The following FBXO33 variants were observed in gnomAD, a reference collection of about 807,000 sequenced individuals.
FBXO33 encodes the protein F-box protein 33, also known as F-box only protein 33.
Under a neutral mutation model 46.3 loss-of-function variants are expected in FBXO33, and 22 were observed. That is an observed-to-expected ratio of 0.48 (90% CI 0.34 to 0.68). The LOEUF is 0.68. FBXO33 is among the 30% of genes least tolerant of loss of function. The probability of loss-of-function intolerance (pLI) is 0.01; values close to 1 mark genes in which losing one functional copy is unlikely to be tolerated. For synonymous variants in FBXO33, 337 were observed against 291.3 expected, an observed-to-expected ratio of 1.16 and a Z score of -1.60; for missense variants, 692 against 708.8, an observed-to-expected ratio of 0.98 and a Z score of 0.27.
chr14:39,416,087 C>T (rs1348085635), intron 1 of FBXO33, among the ~76,000 whole-genome samples: 1 of 152,092 alleles, frequency 6.6e-6, no homozygotes, highest in Non-Finnish European at 1.5e-5. Context: ...CTGTCATATG[C>T]TTTGTGTTAT....
At chr14:39,401,937 G>C in intron 2 of FBXO33, 76 bp from the exon 3 acceptor site, 1 of 1,229,452 alleles carries the variant, frequency 8.1e-7, no homozygotes, top group Admixed American at 2.5e-5. Context: ...TTTGAAAATA[G>C]GCAATGAAAA....
intron 1 of FBXO33, among the ~76,000 whole-genome samples, chr14:39,418,842 T>C (rs918592958): frequency 2.0e-5 from 3 of 150,074 alleles, no homozygotes; most frequent in Non-Finnish European, 4.4e-5. Context: ...AATGTAAAGA[T>C]ACTCTCTGGA....
chr14:39,418,667 C>T (rs1465542197), intron 1 of FBXO33, among the ~76,000 whole-genome samples: 1 of 147,838 alleles, frequency 6.8e-6, no homozygotes, highest in Non-Finnish European at 1.5e-5. Context: ...CCCAGCTACT[C>T]GGGAGGCTGA....
At chr14:39,412,695 T>C (rs559304526) in intron 1 of FBXO33, among the ~76,000 whole-genome samples, 1 of 152,348 alleles carries the variant, frequency 6.6e-6, no homozygotes, top group East Asian at 1.9e-4. Flanking sequence ...CAGGCATAAC[T>C]TGCAGATATT....
chr14:39,400,066 A>AAAT (rs1307391006), intron 3 of FBXO33, among the ~76,000 whole-genome samples: 1 of 152,232 alleles, frequency 6.6e-6, no homozygotes, highest in African/African-American at 2.4e-5. Context: ...TCATTCAGTA[A>AAAT]AATAGACATT....
chr14:39,406,468 T>C (rs35553183), intron 1 of FBXO33, among the ~76,000 whole-genome samples: 40,983 of 152,072 alleles, frequency 0.27, 5,774 homozygotes, highest in East Asian at 0.51. Flanking sequence ...TTTTCAGACA[T>C]TGGACAATAA....
intron 1 of FBXO33, among the ~76,000 whole-genome samples, chr14:39,419,659 T>C (rs2139415455): frequency 6.6e-6 from 1 of 152,374 alleles, no homozygotes; most frequent in East Asian, 1.9e-4. Flanking sequence ...ATTTACTCAT[T>C]CATTTATTTA....
chr14:39,426,703 G>A (rs1047985269), intron 1 of FBXO33, among the ~76,000 whole-genome samples: 2 of 152,026 alleles, frequency 1.3e-5, no homozygotes, highest in Admixed American at 6.6e-5. Flanking sequence ...AGACCTTAGC[G>A]CTTACTGTTT....
At chr14:39,423,962 C>T (rs1057297818) in intron 1 of FBXO33, among the ~76,000 whole-genome samples, 1 of 152,214 alleles carries the variant, frequency 6.6e-6, no homozygotes, top group Non-Finnish European at 1.5e-5. Context: ...CCTCCCTCTC[C>T]AGTCTTGTAT....
In FBXO33 at chr14:39,432,157, C is replaced by G. The variant is rs2075564587; in HGVS notation, c.6G>C (p.Leu2Phe). 8.1e-7 allele frequency: 1 copy of G among 1,235,646 alleles called. No individual in the cohort carries two copies. Among genetic ancestry groups the G allele is most frequent in the African/African-American group, 1.6e-5 (1 of 64,278 alleles). The allele number at this position is 1,235,646 out of a possible 1,614,324, so 76.5% of individuals were successfully genotyped here. The stretch of plus-strand genomic sequence containing the variant: ...GGGGCTGCGGCACTGACAAGAACAA[C>G]AACATCAATGACTAGGAAGAAGGGG... M[L>F]LFLSVPQPRP... The change falls in exon 1 of 4, where the codon TTG (leucine) becomes TTC (phenylalanine). Residue 2 changes from leucine (L) to phenylalanine (F), a missense_variant. Physicochemically the swap from Leu to Phe is conservative, Grantham distance 22. Around this residue, in one of 3 missense-constraint regions of FBXO33, gnomAD observed 412 missense variants for 370.8 expected, o/e 1.11. Transcript: ENST00000298097.
chr14:39,405,004 C>T (rs1490142030), intron 1 of FBXO33, among the ~76,000 whole-genome samples: 2 of 151,488 alleles, frequency 1.3e-5, no homozygotes, highest in African/African-American at 4.9e-5. Flanking sequence ...AAAAATTAGC[C>T]AGGTGTGGTG....
At position 39,431,658 on chromosome 14, in the gene FBXO33, C is replaced by A; in HGVS notation, c.505G>T (p.Val169Phe). ...GADTGTGGEEVEALQLSARWL... is the reference protein window; with the variant it reads ...GADTGTGGEEFEALQLSARWL... ...CGAGCTGAGAGCTGCAGGGCCTCGA[C>A]TTCCTCCCCTCCAGTCCCGGTGTCC... The change falls in exon 1 of 4, where the codon GTC (valine) becomes TTC (phenylalanine). Residue 169 changes from valine (V) to phenylalanine (F), a missense_variant. By Grantham distance (50) the Val-to-Phe change is conservative (BLOSUM62 -1). Around this residue, in one of 3 missense-constraint regions of FBXO33, gnomAD observed 412 missense variants for 370.8 expected, o/e 1.11. Coordinates refer to ENST00000298097, the MANE Select transcript of FBXO33 (RefSeq NM_203301.4). 1 of 1,613,644 alleles carries A rather than the reference C, an allele frequency of 6.2e-7. No homozygotes were observed. The highest frequency in any genetic ancestry group is 8.5e-7 in the Non-Finnish European group (1 of 1,180,034).
At chr14:39,405,128 CAAA>C (rs55890131) in intron 1 of FBXO33, among the ~76,000 whole-genome samples, 29 of 114,388 alleles carry the variant, frequency 2.5e-4, no homozygotes, top group Admixed American at 5.4e-4. Flanking sequence ...GATTCTGTCT[CAAA>C]AAAAAAAAAA....
chr14:39,403,751 T>C (rs571733786), intron 1 of FBXO33, among the ~76,000 whole-genome samples: 19 of 152,088 alleles, frequency 1.2e-4, no homozygotes, highest in African/African-American at 4.3e-4. Context: ...AATTAAAAAA[T>C]GTATCATCTA....
intron 1 of FBXO33, among the ~76,000 whole-genome samples, chr14:39,422,700 C>T (rs2415548): frequency 6.6e-6 from 1 of 152,248 alleles, no homozygotes; most frequent in African/African-American, 2.4e-5. Context: ...TGACATAAGA[C>T]AATATCTTTT....
intron 2 of FBXO33, 120 bp from the exon 3 acceptor site, chr14:39,401,981 G>A: frequency 7.9e-6 from 6 of 760,934 alleles, no homozygotes; most frequent in South Asian, 5.8e-5. Context: ...TTCCTCATTA[G>A]GTAATTTCGA....
chr14:39,421,713 A>G lies in FBXO33; in HGVS notation c.599+9851T>C, dbSNP rs144042891. On this transcript the variant is annotated intron_variant, in intron 1 of 3. Coordinates refer to ENST00000298097, the MANE Select transcript of FBXO33 (RefSeq NM_203301.4). ...ACAAGTGCTTGGTGATAAATGAGTT[A>G]AACAACAAAGTAAGTTATGTTTTCA... Among the ~76,000 whole-genome samples the G allele has an allele frequency of 1.2e-4, 18 of 152,278 alleles. No homozygotes were observed. The East Asian group carries it at 2.9e-3, about 24-fold the overall frequency.
chr14:39,420,609 T>C (rs888291867), intron 1 of FBXO33, among the ~76,000 whole-genome samples: 2 of 152,022 alleles, frequency 1.3e-5, no homozygotes, highest in Non-Finnish European at 2.9e-5. Context: ...GAGAATGGCG[T>C]GAACCCAGGA....
chr14:39,409,417 CT>C (rs756852508), intron 1 of FBXO33, among the ~76,000 whole-genome samples: 30 of 152,134 alleles, frequency 2.0e-4, no homozygotes, highest in Non-Finnish European at 3.7e-4. Context: ...TATGGGGTCT[CT>C]CTTCTGCTCC....
Sources: allele counts gnomAD v4.1 joint callset (sites outside exome capture counted in the v4.1 genomes callset), GRCh38; gene constraint gnomAD v4.1.1; regional missense constraint gnomAD v4.1.1; transcripts MANE v1.5; gene names NCBI Gene and HGNC (gene_info 2026-07-23, HGNC 2026-07-21).